CREB3L1: variants seen among roughly 807,000 people sequenced by gnomAD.
CREB3L1 encodes cyclic AMP-responsive element-binding protein 3-like protein 1.
Under a neutral mutation model 54.5 loss-of-function variants are expected in CREB3L1, and 33 were observed. The ratio of observed to expected loss-of-function variants is 0.61; its 90% CI spans 0.46 to 0.81. The LOEUF is 0.81. Ranked by LOEUF, CREB3L1 falls within the 30% of genes least tolerant of loss-of-function variation. The pLI is 0.00. For synonymous variants in CREB3L1, 284 were observed against 286.4 expected, an observed-to-expected ratio of 0.99 and a Z score of 0.08; for missense variants, 656 against 673.3, an observed-to-expected ratio of 0.97 and a Z score of 0.29.
At chr11:46,305,658 ATGTGTGTATATATATG>A (rs1795412038) in intron 2 of CREB3L1, among the ~76,000 whole-genome samples, 2 of 87,516 alleles carry the variant, frequency 2.3e-5, no homozygotes, top group Non-Finnish European at 5.0e-5. Flanking sequence ...GTGTGTATAT[ATGTGTGTATATATATG>A]TGTGTGTGTG....
intron 1 of CREB3L1, among the ~76,000 whole-genome samples, chr11:46,283,810 G>C (rs1022701846): frequency 6.6e-6 from 1 of 152,066 alleles, no homozygotes; most frequent in African/African-American, 2.4e-5. Flanking sequence ...TTGAGCCCAG[G>C]AGTTCAAGGC....
chr11:46,308,487 G>A (rs1939435417), intron 3 of CREB3L1, among the ~76,000 whole-genome samples: 1 of 150,650 alleles, frequency 6.6e-6, no homozygotes, highest in Non-Finnish European at 1.5e-5. Flanking sequence ...ATGTGTAGAT[G>A]ACAGCATTCA....
At position 46,320,833 on chromosome 11, in the gene CREB3L1, C is replaced by A; in HGVS notation, c.*87C>A. 7.1e-7 allele frequency: 1 copy of A among 1,409,634 alleles called. No homozygotes were observed. Among genetic ancestry groups the A allele is most frequent in the Non-Finnish European group, 9.9e-7 (1 of 1,014,236 alleles). The allele number at this position is 1,409,634 out of a possible 1,614,324, so 87.3% of individuals were successfully genotyped here. On this transcript the variant is annotated 3_prime_UTR_variant, in exon 12 of 12. Coordinates refer to ENST00000621158, the MANE Select transcript of CREB3L1 (RefSeq NM_052854.4). ...ACTAACCCGGATCCGCCTCGTGCCC[C>A]TGCCTCCTGGAGCTTCCCATTCCAG...
intron 2 of CREB3L1, among the ~76,000 whole-genome samples, chr11:46,305,650 GTGTATATA>G (rs1480414649): frequency 0.15 from 21,054 of 140,322 alleles, 2,020 homozygotes; most frequent in South Asian, 0.18. Context: ...ATATATATGT[GTGTATATA>G]TGTGTGTATA....
rs1938912277 is a variant in CREB3L1 at position 46,278,404 on chromosome 11, G to A, written c.102+191G>A. 6.6e-6 allele frequency among the ~76,000 whole-genome samples: 1 copy of A among 152,218 alleles called. No homozygotes were observed. The highest frequency in any genetic ancestry group is 1.5e-5 in the Non-Finnish European group (1 of 68,016). On this transcript the variant is annotated intron_variant, in intron 1 of 11. Transcript: ENST00000621158. The surrounding 1 kb of genome is among the most constrained non-coding windows in gnomAD (Gnocchi z 4.2). ...TGGGGGCTCAATCTTTGAATACACT[G>A]GCCTCCACCTTCTAGGGGGAAGGGG...
chr11:46,314,967 C>CA (rs1939544489), intron 8 of CREB3L1, among the ~76,000 whole-genome samples: 1 of 152,180 alleles, frequency 6.6e-6, no homozygotes. Context: ...CTCAGCCTCC[C>CA]ACAAGTGCTG....
rs759273298 is a variant in CREB3L1 at position 46,310,066 on chromosome 11, G to A, written c.594G>A (p.Pro198=). The change falls in exon 4 of 12, where the codon CCG becomes CCA. Residue 198 remains proline (P), a splice_region_variant and synonymous_variant. Coordinates refer to ENST00000621158, the MANE Select transcript of CREB3L1 (RefSeq NM_052854.4). ...TGAACCAGTTCCTCAAAGTGACACC[G>A]GGTAGGTGTGTCCAGGGGAAGGGCT... is the stretch of plus-strand genomic sequence containing the variant. ...LEVNQFLKVT[P]EDLVQMPPTP... is the part of the protein sequence containing the mutation. 2.3e-5 allele frequency: 36 copies of A among 1,584,204 alleles called. No individual in the cohort carries two copies. The South Asian group carries it at 2.8e-4, about 12-fold the overall frequency.
chr11:46,289,880 A>G (rs1939107057), intron 1 of CREB3L1, among the ~76,000 whole-genome samples: 1 of 152,132 alleles, frequency 6.6e-6, no homozygotes, highest in Non-Finnish European at 1.5e-5. Flanking sequence ...GCACCAGGTG[A>G]TGGTCACCAG....
intron 10 of CREB3L1, among the ~76,000 whole-genome samples, chr11:46,319,850 G>A (rs1038631810): frequency 3.3e-4 from 49 of 150,312 alleles, no homozygotes; most frequent in African/African-American, 1.2e-3. Flanking sequence ...TTGCACTCCA[G>A]CCTGGGCGAC....
Position 46,286,818 on chromosome 11 carries a change from AAAAG to A in CREB3L1, c.102+8616_102+8619del, listed in dbSNP as rs775224949. ...AACAGACAAACAAAAAGAAAAAAGA[AAAAG>A]AAAGAAAGAAGAAAGAAAAAGAAAA... On this transcript the variant is annotated intron_variant, in intron 1 of 11. Transcript: ENST00000621158. 5.3e-5 allele frequency among the ~76,000 whole-genome samples: 8 copies of A among 152,034 alleles called. No homozygotes were observed. The East Asian group carries it at 7.7e-4, about 15-fold the overall frequency.
intron 2 of CREB3L1, among the ~76,000 whole-genome samples, chr11:46,303,351 A>G (rs534571857): frequency 6.6e-6 from 1 of 152,336 alleles, no homozygotes; most frequent in African/African-American, 2.4e-5. Flanking sequence ...ATATACATCA[A>G]TAATTAGCAG....
At position 46,278,176 on chromosome 11, in the gene CREB3L1, TG is replaced by T; in HGVS notation, c.70del (p.Asp24IlefsTer2). ...TTCCCCGGATCCAGCTTCCTGGACT[TG>T]GGGGATCTGAACGAGTCGGACTTCC... is the stretch of plus-strand genomic sequence containing the variant. Reference protein sequence around the residue: ...RLFPGSSFLDLGDLNESDFLN... With the variant: ...RLFPGSSFLDXGDLNESDFLN... On this transcript the variant is annotated frameshift_variant, in exon 1 of 12. Coordinates refer to ENST00000621158, the MANE Select transcript of CREB3L1 (RefSeq NM_052854.4). LOFTEE classifies it high-confidence loss of function. This position sits in a 1 kb window ranked among gnomAD's most constrained non-coding sequence, Gnocchi z 4.2. 3 of 1,577,722 alleles carry T rather than the reference TG, an allele frequency of 1.9e-6. No individual in the cohort carries two copies. The highest frequency in any genetic ancestry group is 8.6e-7 in the Non-Finnish European group (1 of 1,161,918).
chr11:46,278,209 A>G lies in CREB3L1; in HGVS notation c.98A>G (p.Asn33Ser). 6.4e-7 allele frequency: 1 copy of G among 1,550,560 alleles called. No individual in the cohort carries two copies. Among genetic ancestry groups the G allele is most frequent in the Non-Finnish European group, 8.8e-7 (1 of 1,142,828 alleles). The stretch of plus-strand genomic sequence containing the variant: ...CTGAACGAGTCGGACTTCCTCAACA[A>G]TGCGGTAAGATGAAGGGTCTCCGTT... ...GDLNESDFLN[N>S]AHFPEHLDHF... Residue 33 changes from asparagine (N) to serine (S), a missense_variant, in exon 1 of 12, where the codon AAT becomes AGT. Around this residue, in one of 3 missense-constraint regions of CREB3L1, gnomAD observed 339 missense variants for 331.5 expected, o/e 1.02. Coordinates refer to ENST00000621158, the MANE Select transcript of CREB3L1 (RefSeq NM_052854.4). This position sits in a 1 kb window ranked among gnomAD's most constrained non-coding sequence, Gnocchi z 4.2.
At chr11:46,308,814 G>A (rs1434670378) in intron 3 of CREB3L1, among the ~76,000 whole-genome samples, 2 of 152,316 alleles carry the variant, frequency 1.3e-5, no homozygotes, top group East Asian at 3.9e-4. Context: ...CAGACCCGTG[G>A]GATCAAGGGT....
intron 9 of CREB3L1, 96 bp downstream of exon 9, chr11:46,316,481 C>G (rs1939569125): frequency 2.5e-6 from 2 of 800,226 alleles, no homozygotes; most frequent in African/African-American, 3.5e-5. Context: ...GGATCGGTAA[C>G]ATCGTGGGCA....
intron 2 of CREB3L1, 50 bp from the exon 3 acceptor site, chr11:46,307,766 G>T: frequency 6.9e-7 from 1 of 1,448,458 alleles, no homozygotes; most frequent in South Asian, 1.4e-5. Flanking sequence ...GGCAGGCAGG[G>T]GGCTGAGACC....
intron 4 of CREB3L1, 26 bp from the exon 5 acceptor site, chr11:46,311,006 A>G (rs1442496015): frequency 4.5e-6 from 7 of 1,545,556 alleles, no homozygotes; most frequent in Non-Finnish European, 6.1e-6. Flanking sequence ...CAACGTTGCT[A>G]ACTCGGTTTC....
rs776498586 is a variant in CREB3L1, at chr11:46,311,064, A to G, written c.628A>G (p.Ser210Gly). The change falls in exon 5 of 12, where the codon AGC becomes GGC. Residue 210 changes from serine (S) to glycine (G), a missense_variant. Physicochemically the swap from Ser to Gly is moderately conservative, Grantham distance 56. Coordinates refer to ENST00000621158, the MANE Select transcript of CREB3L1 (RefSeq NM_052854.4). The stretch of plus-strand genomic sequence containing the variant: ...GGTGCAGATGCCTCCGACGCCCCCC[A>G]GCAGCCATGGCAGTGACAGCGACGG... Reference protein sequence around the residue: ...DLVQMPPTPPSSHGSDSDGSQ... With the variant: ...DLVQMPPTPPGSHGSDSDGSQ... The G allele has an allele frequency of 1.2e-6, 2 of 1,608,980 alleles. No individual in the cohort carries two copies. Among genetic ancestry groups the G allele is most frequent in the Non-Finnish European group, 1.7e-6 (2 of 1,177,938 alleles).
rs373682971 is a variant in CREB3L1 at position 46,295,882 on chromosome 11, G to T, written c.103-4053G>T. On this transcript the variant is annotated intron_variant, in intron 1 of 11. Coordinates refer to ENST00000621158, the MANE Select transcript of CREB3L1 (RefSeq NM_052854.4). The surrounding 1 kb of genome is among the most constrained non-coding windows in gnomAD (Gnocchi z 4.6). ...CGCAGGTCTGCAAGCAGGAGAGCTC[G>T]GGAACCTCTCCTCCAAGGGAGGGAA... Among the ~76,000 whole-genome samples the T allele has an allele frequency of 6.6e-6, 1 of 152,236 alleles. No individual in the cohort carries two copies. Among genetic ancestry groups the T allele is most frequent in the African/African-American group, 2.4e-5 (1 of 41,472 alleles).
Sources: allele counts gnomAD v4.1 joint callset (sites outside exome capture counted in the v4.1 genomes callset), GRCh38; gene constraint gnomAD v4.1.1; regional missense constraint gnomAD v4.1.1; non-coding constraint Gnocchi (gnomAD v3.1); transcripts MANE v1.5; gene names NCBI Gene and HGNC (gene_info 2026-07-23, HGNC 2026-07-21).